PCDHA3: variants seen among roughly 807,000 people sequenced by gnomAD.
PCDHA3 encodes protocadherin alpha 3.
Under a neutral mutation model 62.2 loss-of-function variants are expected in PCDHA3, and 41 were observed. The ratio of observed to expected loss-of-function variants is 0.66; its 90% CI spans 0.51 to 0.86. The LOEUF is 0.86. PCDHA3 is among the 40% of genes least tolerant of loss of function. The probability of loss-of-function intolerance (pLI) is 0.00; values close to 1 mark genes in which losing one functional copy is unlikely to be tolerated. For missense variants in PCDHA3, 1,304 were observed against 1,241.2 expected, an observed-to-expected ratio of 1.05 and a Z score of -0.76; for synonymous variants, 640 against 555.4, an observed-to-expected ratio of 1.15 and a Z score of -2.14.
chr5:140,984,945 C>CT (rs113297104), intron 3 of PCDHA3, among the ~76,000 whole-genome samples: 99 of 149,274 alleles, frequency 6.6e-4, no homozygotes, highest in Non-Finnish European at 1.1e-3. Context: ...AATGTCTAAT[C>CT]TTTTTTTTTT....
At chr5:140,930,527 A>C (rs73793525) in intron 1 of PCDHA3, 8,511 of 152,566 alleles carry the variant, frequency 0.056, 704 homozygotes, top group African/African-American at 0.18. Context: ...CTGGCCCTCA[A>C]ACTTCTTGAG....
chr5:140,848,115 A>G, intron 1 of PCDHA3: 1 of 178,506 alleles, frequency 5.6e-6, no homozygotes, highest in Non-Finnish European at 1.2e-5. Flanking sequence ...TAAGAAAACC[A>G]CAATCAAGGT....
At chr5:140,974,496 T>C (rs1554236114) in intron 1 of PCDHA3, among the ~76,000 whole-genome samples, 1 of 152,198 alleles carries the variant, frequency 6.6e-6, no homozygotes, top group Non-Finnish European at 1.5e-5. Flanking sequence ...TCAAATGTAT[T>C]ACCTTTGTGT....
chr5:140,822,130 G>C (rs2150113866), intron 1 of PCDHA3: 2 of 1,614,268 alleles, frequency 1.2e-6, no homozygotes, highest in South Asian at 2.2e-5. Context: ...TTTCCATGTG[G>C]AGGTGGCAGT....
chr5:140,996,410 G>A (rs1195533511), intron 3 of PCDHA3, among the ~76,000 whole-genome samples: 2 of 152,222 alleles, frequency 1.3e-5, no homozygotes, highest in African/African-American at 2.4e-5. Flanking sequence ...GGTGGGGCAG[G>A]CAGTGTGAAA....
At chr5:140,905,135 T>G (rs2071619691) in intron 1 of PCDHA3, among the ~76,000 whole-genome samples, 1 of 152,208 alleles carries the variant, frequency 6.6e-6, no homozygotes, top group Admixed American at 6.5e-5. Context: ...GAAGAGTTTT[T>G]CTGCTGTTAT....
intron 1 of PCDHA3, chr5:140,851,942 G>T: frequency 1.0e-6 from 1 of 967,952 alleles, no homozygotes; most frequent in Non-Finnish European, 1.2e-6. Flanking sequence ...TGTAGTATGT[G>T]ACTTTCAAAA....
At chr5:140,979,062 G>A in intron 2 of PCDHA3, 55 bp downstream of exon 2, 1 of 1,604,568 alleles carries the variant, frequency 6.2e-7, no homozygotes, top group Non-Finnish European at 8.5e-7. Flanking sequence ...GTATGGCTCA[G>A]ATAAACTGCA....
chr5:140,929,541 G>A, intron 1 of PCDHA3: 6 of 542,944 alleles, frequency 1.1e-5, no homozygotes, highest in Non-Finnish European at 1.8e-5. Context: ...AGAAACAAGG[G>A]CAAAAATTAA....
chr5:140,976,812 G>A (rs2096732233), intron 1 of PCDHA3, among the ~76,000 whole-genome samples: 1 of 152,178 alleles, frequency 6.6e-6, no homozygotes, highest in Non-Finnish European at 1.5e-5. Flanking sequence ...CTGAAGATAT[G>A]CATGTGTCTA....
In PCDHA3 at chr5:140,852,910, G is replaced by C. The variant is rs2150524838; in HGVS notation, c.2394+49319G>C. 404 of 797,110 alleles carry C rather than the reference G, an allele frequency of 5.1e-4. 8 individuals are homozygous for C. In the South Asian group the frequency reaches 0.02, roughly 39 times the overall value. 49.4% of individuals were successfully genotyped at this position (797,110 alleles called of 1,614,324 possible). A position where few individuals can be genotyped will look rare whatever the true frequency, so the allele number is the denominator to read the frequency against. ...ATTTTTTTTTTTGAGTCAGAGTCTCGCTCTGTTGCCCAGGCTGGAGTGCAG... is the reference window on the plus strand; with the variant it reads ...ATTTTTTTTTTTGAGTCAGAGTCTCCCTCTGTTGCCCAGGCTGGAGTGCAG... On this transcript the variant is annotated intron_variant, in intron 1 of 3. Transcript: ENST00000522353.
intron 1 of PCDHA3, among the ~76,000 whole-genome samples, chr5:140,908,256 A>T (rs192899359): frequency 6.6e-6 from 1 of 152,130 alleles, no homozygotes; most frequent in Non-Finnish European, 1.5e-5. Context: ...AACTGATCAT[A>T]GGGAACTCCC....
chr5:140,818,304 T>A (rs1766328440), intron 1 of PCDHA3, among the ~76,000 whole-genome samples: 1 of 152,256 alleles, frequency 6.6e-6, no homozygotes, highest in Non-Finnish European at 1.5e-5. Context: ...CTGACCCATC[T>A]TTTACTTTAG....
At chr5:140,999,947 G>A (rs993598998) in intron 3 of PCDHA3, among the ~76,000 whole-genome samples, 1 of 152,110 alleles carries the variant, frequency 6.6e-6, no homozygotes, top group Non-Finnish European at 1.5e-5. Flanking sequence ...CACCCAAAGA[G>A]GGTGAAATAC....
intron 3 of PCDHA3, among the ~76,000 whole-genome samples, chr5:140,998,973 G>A (rs572810777): frequency 1.3e-5 from 2 of 152,352 alleles, no homozygotes; most frequent in African/African-American, 2.4e-5. Flanking sequence ...TAGTATCCTA[G>A]AAAATAGTAG....
chr5:140,805,590 C>G (rs1332394833), intron 1 of PCDHA3: 1 of 930,856 alleles, frequency 1.1e-6, no homozygotes, highest in Non-Finnish European at 1.3e-6. Context: ...ACCATTATGT[C>G]TTTATATATT....
intron 1 of PCDHA3, chr5:140,828,616 C>G: frequency 6.2e-7 from 1 of 1,614,142 alleles, no homozygotes; most frequent in Non-Finnish European, 8.5e-7. Flanking sequence ...TCAGTTCTAG[C>G]GAATACTTCG....
At chr5:140,946,611 A>AATATAT (rs1554217734) in intron 1 of PCDHA3, among the ~76,000 whole-genome samples, 1,127 of 86,766 alleles carry the variant, frequency 0.013, 130 homozygotes, top group African/African-American at 0.067. Flanking sequence ...GAAAATGTGA[A>AATATAT]ATATATATAT....
chr5:140,925,685 G>T (rs1584406507), intron 1 of PCDHA3, among the ~76,000 whole-genome samples: 1 of 137,694 alleles, frequency 7.3e-6, no homozygotes, highest in South Asian at 2.3e-4. Flanking sequence ...ATAAAGCGAG[G>T]GTGGGTATCT....
Sources: allele counts gnomAD v4.1 joint callset (sites outside exome capture counted in the v4.1 genomes callset), GRCh38; gene constraint gnomAD v4.1.1; transcripts MANE v1.5; gene names NCBI Gene and HGNC (gene_info 2026-07-23, HGNC 2026-07-21).